PCDHGA4: variants seen among roughly 807,000 people sequenced by gnomAD.
The protein encoded by PCDHGA4 is protocadherin gamma subfamily A, 4.
In PCDHGA4, 38 loss-of-function variants were observed where a neutral mutation model predicts 54.6. That is an observed-to-expected ratio of 0.70 (90% CI 0.54 to 0.91). The LOEUF (loss-of-function observed/expected upper bound fraction) is 0.91, where lower values mean the gene tolerates loss of function less well. PCDHGA4 is among the 40% of genes least tolerant of loss of function. The pLI, the probability that PCDHGA4 is intolerant of heterozygous loss-of-function variation, is 0.00. For missense variants in PCDHGA4, 1,298 were observed against 1,220.9 expected (o/e 1.06, Z -0.94); for synonymous variants, 511 against 512.9 (o/e 1.00, Z 0.05).
chr5:141,426,270 G>A lies in PCDHGA4; in HGVS notation c.2515-68537G>A, dbSNP rs999517850. On this transcript the variant is annotated intron_variant, in intron 1 of 3. Coordinates refer to ENST00000571252, the MANE Select transcript of PCDHGA4 (RefSeq NM_018917.4). Reference sequence around the variant, plus strand: ...TTTTCTCTTAACGTCGGAGACTGCAGCAACGCATGGGAAGGATGGGAAACA... The same window carrying A: ...TTTTCTCTTAACGTCGGAGACTGCAACAACGCATGGGAAGGATGGGAAACA... 2.6e-4 allele frequency: 43 copies of A among 163,626 alleles called. 1 individual carries two copies. The highest frequency in any genetic ancestry group is 3.0e-3 in the Middle Eastern group (1 of 328). 10.1% of individuals were successfully genotyped at this position (163,626 alleles called of 1,614,324 possible).
chr5:141,375,174 C>A (rs765614006), intron 1 of PCDHGA4: 3 of 1,614,006 alleles, frequency 1.9e-6, no homozygotes, highest in Non-Finnish European at 2.5e-6. Context: ...CCTCCAGGAA[C>A]AGTAATCGCC....
intron 1 of PCDHGA4, chr5:141,367,575 T>C (rs1765237338): frequency 7.4e-6 from 1 of 135,240 alleles, no homozygotes. Context: ...TAAATAAATA[T>C]CAGAAAAGTA....
chr5:141,451,009 T>C (rs1437016950), intron 1 of PCDHGA4, among the ~76,000 whole-genome samples: 1 of 151,566 alleles, frequency 6.6e-6, no homozygotes, highest in East Asian at 1.9e-4. Context: ...GTATTTTTTT[T>C]AGTAGAGACG....
At position 141,360,421 on chromosome 5, in the gene PCDHGA4, T is replaced by C. The variant is rs372376910; in HGVS notation, c.2514+2800T>C. ...TGACAGAATAGACCGAGAACAGATA[T>C]GCGGGAAGCAGCCTCTGTGTGTTCT... On this transcript the variant is annotated intron_variant, in intron 1 of 3. Transcript: ENST00000571252. 8.1e-5 allele frequency: 131 copies of C among 1,613,968 alleles called. No homozygotes were observed. In the African/African-American group the frequency reaches 1.1e-3, roughly 14 times the overall value.
At chr5:141,406,072 CTTT>C (rs530474569) in intron 1 of PCDHGA4, among the ~76,000 whole-genome samples, 2 of 141,478 alleles carry the variant, frequency 1.4e-5, no homozygotes. Context: ...ATTCTTACTC[CTTT>C]TTTTTTTTTT....
In PCDHGA4 at chr5:141,355,244, A is replaced by C; in HGVS notation, c.137A>C (p.Gln46Pro). 1 of 1,613,114 alleles carries C rather than the reference A, an allele frequency of 6.2e-7. No homozygotes were observed. Among genetic ancestry groups the C allele is most frequent in the Non-Finnish European group, 8.5e-7 (1 of 1,179,762 alleles). ...PARPDHTRLL[Q>P]ICLLLGVLVE... ...CGCCCAGACCACACCCGGCTGCTCC[A>C]GATCTGCCTTCTCCTGGGGGTTCTG... The change falls in exon 1 of 4, where the codon CAG (glutamine) becomes CCG (proline). Residue 46 changes from glutamine (Q) to proline (P), a missense_variant. Physicochemically the swap from Gln to Pro is moderately conservative, Grantham distance 76 (BLOSUM62 -1). Coordinates refer to ENST00000571252, the MANE Select transcript of PCDHGA4 (RefSeq NM_018917.4).
chr5:141,413,013 C>A, intron 1 of PCDHGA4: 2 of 661,008 alleles, frequency 3.0e-6, no homozygotes, highest in Admixed American at 6.8e-5. Context: ...GCTTCAACTA[C>A]ACAAGCCCCA....
At position 141,487,063 on chromosome 5, in the gene PCDHGA4, G is replaced by A. The variant is rs754361361; in HGVS notation, c.2515-7744G>A. 39 of 1,614,086 alleles carry A rather than the reference G, an allele frequency of 2.4e-5. No individual in the cohort carries two copies. In the South Asian group the frequency reaches 3.7e-4, roughly 15 times the overall value. The stretch of plus-strand genomic sequence containing the variant: ...CTCGATATGCTGGGGAGGTGCGGAC[G>A]GCTGTTCCTATCCCAGCTGACCTCC... On this transcript the variant is annotated intron_variant, in intron 1 of 3. Transcript: ENST00000571252. The surrounding 1 kb of genome is among the most constrained non-coding windows in gnomAD (Gnocchi z 5.0).
intron 1 of PCDHGA4, among the ~76,000 whole-genome samples, chr5:141,464,442 G>A (rs890758574): frequency 3.3e-5 from 5 of 151,500 alleles, no homozygotes; most frequent in African/African-American, 1.2e-4. Flanking sequence ...TATGTTTGTT[G>A]TTGTTGTTGT....
At chr5:141,369,149 A>T (rs955742773) in intron 1 of PCDHGA4, among the ~76,000 whole-genome samples, 2 of 152,224 alleles carry the variant, frequency 1.3e-5, no homozygotes, top group African/African-American at 4.8e-5. Flanking sequence ...ATGGCATGTT[A>T]TTGACCAGGG....
chr5:141,453,545 A>T (rs2098768582), intron 1 of PCDHGA4, among the ~76,000 whole-genome samples: 1 of 151,998 alleles, frequency 6.6e-6, no homozygotes, highest in African/African-American at 2.4e-5. Flanking sequence ...TTCACACCAC[A>T]CTCTGTAGAT....
rs751908443 is a variant in PCDHGA4 at position 141,361,870 on chromosome 5, C to T, written c.2514+4249C>T. 4.3e-6 allele frequency: 7 copies of T among 1,611,302 alleles called. No homozygotes were observed. The Admixed American group carries it at 5.0e-5, about 12-fold the overall frequency. On this transcript the variant is annotated intron_variant, in intron 1 of 3. Transcript: ENST00000571252. The stretch of plus-strand genomic sequence containing the variant: ...TGGCTCCGCCCTCTTCGATATGGTG[C>T]CACGCGCCGCAGAGCCCGGCTACCT...
At chr5:141,500,188 ATT>A (rs2099797463) in intron 2 of PCDHGA4, among the ~76,000 whole-genome samples, 1 of 98,146 alleles carries the variant, frequency 1.0e-5, no homozygotes, top group African/African-American at 5.1e-5. Flanking sequence ...TTTTATTTTT[ATT>A]TATTTATTTA....
intron 1 of PCDHGA4, chr5:141,375,345 C>A (rs749825552): frequency 1.9e-6 from 3 of 1,613,740 alleles, no homozygotes; most frequent in Non-Finnish European, 2.5e-6. Context: ...TACAACATCA[C>A]TGTGACAGCC....
At chr5:141,402,912 G>T (rs373067478) in intron 1 of PCDHGA4, 319 of 1,553,994 alleles carry the variant, frequency 2.1e-4, no homozygotes, top group East Asian at 2.5e-4. Flanking sequence ...GAAGCAGCGC[G>T]CACAGAGATC....
rs1218837884 is a variant in PCDHGA4 at position 141,403,668 on chromosome 5, C to A, written c.2514+46047C>A. On this transcript the variant is annotated intron_variant, in intron 1 of 3. Coordinates refer to ENST00000571252, the MANE Select transcript of PCDHGA4 (RefSeq NM_018917.4). ...ACAGTGTTGGATACAAATGATAATG[C>A]CCCGGTTTTTGCTCAACGGATTTAC... 1.9e-6 allele frequency: 3 copies of A among 1,613,772 alleles called. No individual in the cohort carries two copies. In the African/African-American group the frequency reaches 4.0e-5, roughly 22 times the overall value.
At chr5:141,505,028 G>A (rs2099842951) in intron 2 of PCDHGA4, among the ~76,000 whole-genome samples, 1 of 152,164 alleles carries the variant, frequency 6.6e-6, no homozygotes, top group Admixed American at 6.5e-5. Flanking sequence ...CTGGCACAGT[G>A]GCAGGTGCCT....
chr5:141,479,928 C>T (rs1309777916), intron 1 of PCDHGA4, among the ~76,000 whole-genome samples: 1 of 152,222 alleles, frequency 6.6e-6, no homozygotes, highest in African/African-American at 2.4e-5. Flanking sequence ...CTCAGTGCAT[C>T]ATTGCTATCA....
chr5:141,414,791 G>A (rs375736950), intron 1 of PCDHGA4: 43 of 1,614,120 alleles, frequency 2.7e-5, no homozygotes, highest in Non-Finnish European at 3.3e-5. Context: ...GTGACAGCCA[G>A]CGACAGCGGG....
Sources: allele counts gnomAD v4.1 joint callset (sites outside exome capture counted in the v4.1 genomes callset), GRCh38; gene constraint gnomAD v4.1.1; non-coding constraint Gnocchi (gnomAD v3.1); transcripts MANE v1.5; gene names NCBI Gene and HGNC (gene_info 2026-07-23, HGNC 2026-07-21).